Variants in POLR3E observed in about 807,000 individuals in gnomAD.
POLR3E encodes RNA polymerase III subunit E.
POLR3E carries 41 observed loss-of-function variants against 96.6 expected under a neutral mutation model. That is an observed-to-expected ratio of 0.42 (90% CI 0.33 to 0.55). POLR3E has a LOEUF of 0.55. POLR3E is among the 20% of genes least tolerant of loss of function. The probability of loss-of-function intolerance (pLI) is 0.06; values close to 1 mark genes in which losing one functional copy is unlikely to be tolerated. For missense variants in POLR3E, 849 were observed against 952.1 expected (o/e 0.89, Z 1.43); for synonymous variants, 396 against 383.6 (o/e 1.03, Z -0.38).
chr16:22,333,133 C>CT, intron 20 of POLR3E, among the ~76,000 whole-genome samples: 1 of 149,478 alleles, frequency 6.7e-6, no homozygotes, highest in Non-Finnish European at 1.5e-5. Flanking sequence ...AGCCACCATG[C>CT]CTGGCCCACC....
intron 2 of POLR3E, among the ~76,000 whole-genome samples, chr16:22,303,951 C>T (rs1011459688): frequency 4.6e-5 from 7 of 150,922 alleles, no homozygotes; most frequent in Non-Finnish European, 7.4e-5. Flanking sequence ...GCTGGGATTA[C>T]GGGCGCCCGC....
chr16:22,322,859 A>G lies in POLR3E; in HGVS notation c.996A>G (p.Leu332=), dbSNP rs747924727. ...TCACCTGCATTGGCAGTGACATCCT[A>G]TACCCCAAGGACTCGTCCAGCCCTC... ...QGNWVVKSDI[L]YPKDSSSPHS... Residue 332 remains leucine, a synonymous_variant, in exon 14 of 21, where the codon CTA becomes CTG. Coordinates refer to ENST00000299853, the MANE Select transcript of POLR3E (RefSeq NM_018119.4). The surrounding 1 kb of genome is among the most constrained non-coding windows in gnomAD (Gnocchi z 5.2). The G allele has an allele frequency of 6.2e-7, 1 of 1,612,274 alleles. No individual in the cohort carries two copies. Among genetic ancestry groups the G allele is most frequent in the Non-Finnish European group, 8.5e-7 (1 of 1,178,792 alleles).
intron 1 of POLR3E, 130 bp from the exon 2 acceptor site, chr16:22,302,801 G>A (rs1253725510): frequency 2.8e-6 from 2 of 720,986 alleles, no homozygotes; most frequent in Non-Finnish European, 2.6e-6. Context: ...TGACTTCAAT[G>A]TAGATGTAGA....
At position 22,317,161 on chromosome 16, in the gene POLR3E, C is replaced by T. The variant is rs748792802; in HGVS notation, c.820C>T (p.Arg274Cys). Residue 274 changes from arginine (R) to cysteine (C), a missense_variant, in exon 12 of 21, where the codon CGC (arginine) becomes TGC (cysteine). Transcript: ENST00000299853. ...CAACGTCCTGTCGATGGCCCAGCTG[C>T]GCACGCTGCCCCTGGCCGATCAGAT... ...PSNVLSMAQL[R>C]TLPLADQIKI... The T allele has an allele frequency of 9.9e-6, 16 of 1,613,878 alleles. No homozygotes were observed. The highest frequency in any genetic ancestry group is 6.7e-5 in the Admixed American group (4 of 60,010).
chr16:22,311,226 C>T (rs1415308936), intron 6 of POLR3E, among the ~76,000 whole-genome samples: 1 of 151,008 alleles, frequency 6.6e-6, no homozygotes, highest in Non-Finnish European at 1.5e-5. Context: ...GCCTTGGCCT[C>T]CCAGAGTGCT....
At chr16:22,306,696 G>C (rs540430872) in intron 3 of POLR3E, among the ~76,000 whole-genome samples, 1 of 152,350 alleles carries the variant, frequency 6.6e-6, no homozygotes, top group African/African-American at 2.4e-5. Context: ...TCACATAGAA[G>C]TTTTTATGAT....
intron 13 of POLR3E, among the ~76,000 whole-genome samples, chr16:22,320,814 A>G (rs1352521736): frequency 6.6e-6 from 1 of 151,944 alleles, no homozygotes; most frequent in Non-Finnish European, 1.5e-5. Flanking sequence ...AGAATTCTAG[A>G]TTGGTGGTTA....
chr16:22,317,636 T>TGC (rs2048384682), intron 12 of POLR3E, among the ~76,000 whole-genome samples: 1 of 147,484 alleles, frequency 6.8e-6, no homozygotes, highest in African/African-American at 2.7e-5. Context: ...GACTAGGGGC[T>TGC]TTTTGTTGTT....
At position 22,308,925 on chromosome 16, in the gene POLR3E, G is replaced by C. The variant is rs748308867; in HGVS notation, c.166G>C (p.Val56Leu). Residue 56 changes from valine (V) to leucine (L), a missense_variant and splice_region_variant, in exon 5 of 21, where the codon GTA (valine) becomes CTA (leucine). Transcript: ENST00000299853. ...TGGTGGGGGTGCTTGGTGCCTCCAG[G>C]TAGAGCTTGAGATGGCCATCGACAC... ...SAKIKPKQQKVELEMAIDTLN... is the reference protein window; with the variant it reads ...SAKIKPKQQKLELEMAIDTLN... The C allele has an allele frequency of 1.9e-6, 3 of 1,610,236 alleles. No homozygotes were observed. The African/African-American group carries it at 4.0e-5, about 22-fold the overall frequency.
At chr16:22,308,439 A>G in intron 4 of POLR3E, 1 of 555,216 alleles carries the variant, frequency 1.8e-6, no homozygotes, top group East Asian at 3.1e-5. Flanking sequence ...GAATGAGAGA[A>G]TGGGGCCAGA....
intron 2 of POLR3E, among the ~76,000 whole-genome samples, chr16:22,304,906 T>C (rs574605747): frequency 2.0e-4 from 30 of 152,212 alleles, no homozygotes; most frequent in African/African-American, 6.7e-4. Context: ...TGGGGGATTG[T>C]GAACTTGGGT....
chr16:22,321,966 CTCAT>C (rs2048479646), intron 13 of POLR3E, among the ~76,000 whole-genome samples: 1 of 152,352 alleles, frequency 6.6e-6, no homozygotes, highest in South Asian at 2.1e-4. Flanking sequence ...GGACCGGGCT[CTCAT>C]TCAGACACTG....
At position 22,332,126 on chromosome 16, in the gene POLR3E, C is replaced by T. The variant is rs763763238; in HGVS notation, c.2011C>T (p.Arg671Trp). ...YRVRRNMIQS[R>W]LTQECGEDLS... ...GGTACGCCGAAACATGATCCAGTCT[C>T]GGTTGACTCAAGAGTGTGGAGAAGA... Residue 671 changes from arginine to tryptophan, a missense_variant, in exon 20 of 21, where the codon CGG (arginine) becomes TGG (tryptophan). By Grantham distance (101) the Arg-to-Trp change is moderately radical (BLOSUM62 -3). Transcript: ENST00000299853. The T allele has an allele frequency of 8.1e-6, 13 of 1,613,470 alleles. No homozygotes were observed. Among genetic ancestry groups the T allele is most frequent in the African/African-American group, 2.7e-5 (2 of 74,910 alleles).
chr16:22,305,380 T>C, intron 3 of POLR3E, 174 bp downstream of exon 3: 1 of 705,510 alleles, frequency 1.4e-6, no homozygotes, highest in East Asian at 2.7e-5. Context: ...ATTTCAAAGA[T>C]GGGAAAACTG....
Position 22,328,578 on chromosome 16 carries a change from G to A in POLR3E, c.1935G>A (p.Met645Ile). The change falls in exon 19 of 21, where the codon ATG (methionine) becomes ATA (isoleucine). Residue 645 changes from methionine (M) to isoleucine (I), a missense_variant. Transcript: ENST00000299853. The stretch of plus-strand genomic sequence containing the variant: ...TTGCCCTCTGGGAGTCTGGAGACAT[G>A]AGTGATCAGGTGAGGTGAACTTTGC... ...KVFALWESGD[M>I]SDQHRQVLLE... 6.2e-7 allele frequency: 1 copy of A among 1,613,730 alleles called. No homozygotes were observed. Among genetic ancestry groups the A allele is most frequent in the Non-Finnish European group, 8.5e-7 (1 of 1,179,660 alleles).
At position 22,322,964 on chromosome 16, in the gene POLR3E, G is replaced by A; in HGVS notation, c.1068+33G>A. ...CCTTGGGTTCTCTGGACTCACGGTG[G>A]GGGCGTGGGAAGAGGGGGGCAGCGG... On this transcript the variant is annotated intron_variant, in intron 14 of 20. Coordinates refer to ENST00000299853, the MANE Select transcript of POLR3E (RefSeq NM_018119.4). The surrounding 1 kb of genome is among the most constrained non-coding windows in gnomAD (Gnocchi z 5.2). 6.7e-7 allele frequency: 1 copy of A among 1,484,312 alleles called. No individual in the cohort carries two copies. Among genetic ancestry groups the A allele is most frequent in the Non-Finnish European group, 9.4e-7 (1 of 1,068,932 alleles). 91.9% of individuals were successfully genotyped at this position (1,484,312 alleles called of 1,614,324 possible).
At chr16:22,330,499 C>G (rs2048714066) in intron 19 of POLR3E, among the ~76,000 whole-genome samples, 1 of 152,188 alleles carries the variant, frequency 6.6e-6, no homozygotes. Context: ...TTTCCTTGTT[C>G]ACTGCTTCCT....
intron 6 of POLR3E, among the ~76,000 whole-genome samples, chr16:22,312,937 C>T (rs962631528): frequency 6.4e-5 from 9 of 141,682 alleles, no homozygotes; most frequent in African/African-American, 1.3e-4. Flanking sequence ...AAGCAATGAA[C>T]GAAACTAATC....
intron 2 of POLR3E, among the ~76,000 whole-genome samples, chr16:22,304,307 T>G (rs543718300): frequency 6.6e-6 from 1 of 152,114 alleles, no homozygotes; most frequent in East Asian, 1.9e-4. Context: ...ATAGAGGTGG[T>G]TTTTCCTTGC....
Sources: allele counts gnomAD v4.1 joint callset (sites outside exome capture counted in the v4.1 genomes callset), GRCh38; gene constraint gnomAD v4.1.1; non-coding constraint Gnocchi (gnomAD v3.1); transcripts MANE v1.5; gene names NCBI Gene and HGNC (gene_info 2026-07-23, HGNC 2026-07-21).